C12orf42: variants seen among roughly 807,000 people sequenced by gnomAD.
The protein encoded by C12orf42 is chromosome 12 open reading frame 42, also known as uncharacterized protein C12orf42.
A neutral mutation model predicts 21.6 loss-of-function variants in C12orf42; 25 were observed. That is an observed-to-expected ratio of 1.16 (90% CI 0.84 to 1.62). The LOEUF (loss-of-function observed/expected upper bound fraction) is 1.62, where lower values mean the gene tolerates loss of function less well. C12orf42 is among the 40% of genes most tolerant of loss of function. The pLI, the probability that C12orf42 is intolerant of heterozygous loss-of-function variation, is 0.00. For missense variants in C12orf42, 483 were observed against 459.3 expected (o/e 1.05, Z -0.47); for synonymous variants, 174 against 175.0 (o/e 0.99, Z 0.05).
intron 2 of C12orf42, among the ~76,000 whole-genome samples, chr12:103,439,785 T>C (rs1951052485): frequency 1.3e-5 from 2 of 151,114 alleles, no homozygotes; most frequent in Admixed American, 6.6e-5. Context: ...TGTGGAGAAA[T>C]AGGAACACTT....
chr12:103,428,861 C>A (rs1371432729), intron 2 of C12orf42, among the ~76,000 whole-genome samples: 1 of 151,386 alleles, frequency 6.6e-6, no homozygotes, highest in Non-Finnish European at 1.5e-5. Flanking sequence ...AAACCAATGA[C>A]AAAAACCACA....
the C12orf42 span, among the ~76,000 whole-genome samples, chr12:103,051,068 A>G: frequency 6.6e-6 from 1 of 152,212 alleles, no homozygotes; most frequent in Non-Finnish European, 1.5e-5. Flanking sequence ...GAAAGAAGAT[A>G]AAACTAAAAG....
At chr12:103,069,967 C>G in the C12orf42 span, among the ~76,000 whole-genome samples, 1 of 152,200 alleles carries the variant, frequency 6.6e-6, no homozygotes, top group Non-Finnish European at 1.5e-5. Flanking sequence ...CTTACTGATT[C>G]ACCTCCCTGA....
the C12orf42 span, among the ~76,000 whole-genome samples, chr12:103,218,287 A>AG: frequency 6.6e-6 from 1 of 152,030 alleles, no homozygotes; most frequent in Non-Finnish European, 1.5e-5. Context: ...TTCAAAAAAA[A>AG]AAAAAAAAGT....
chr12:103,184,722 C>T, the C12orf42 span, among the ~76,000 whole-genome samples: 2 of 102,550 alleles, frequency 2.0e-5, no homozygotes, highest in African/African-American at 3.4e-5. Flanking sequence ...CCCCCCCCCC[C>T]CCAAATATAT....
the C12orf42 span, among the ~76,000 whole-genome samples, chr12:103,123,585 A>G: frequency 6.6e-6 from 1 of 152,190 alleles, no homozygotes; most frequent in Non-Finnish European, 1.5e-5. Context: ...TAAGGCTTAG[A>G]CTTACGTTTC....
chr12:103,307,579 GT>G (rs1168323699), intron 4 of C12orf42, among the ~76,000 whole-genome samples: 1 of 152,166 alleles, frequency 6.6e-6, no homozygotes, highest in Non-Finnish European at 1.5e-5. Context: ...CCTGTCACTG[GT>G]GATGGTGGCC....
chr12:103,538,788 T>C, the C12orf42 span, among the ~76,000 whole-genome samples: 1 of 152,100 alleles, frequency 6.6e-6, no homozygotes, highest in South Asian at 2.1e-4. Flanking sequence ...GTATTATATC[T>C]CTCCCTGCTT....
chr12:103,419,971 T>C (rs1375551144), intron 2 of C12orf42, among the ~76,000 whole-genome samples: 3 of 152,232 alleles, frequency 2.0e-5, no homozygotes, highest in Non-Finnish European at 4.4e-5. Flanking sequence ...GTACTATATA[T>C]AGTTGTTTTG....
chr12:103,378,012 C>T (rs1230999213), intron 3 of C12orf42, among the ~76,000 whole-genome samples: 1 of 152,100 alleles, frequency 6.6e-6, no homozygotes, highest in Non-Finnish European at 1.5e-5. Flanking sequence ...AATCATGTGA[C>T]ATTAAAAATG....
At chr12:103,519,480 A>C in the C12orf42 span, among the ~76,000 whole-genome samples, 3 of 152,146 alleles carry the variant, frequency 2.0e-5, no homozygotes, top group African/African-American at 7.2e-5. Flanking sequence ...CCTAGAAATT[A>C]TATAATATTG....
At chr12:103,460,701 G>T (rs1952642822) in intron 2 of C12orf42, among the ~76,000 whole-genome samples, 1 of 152,140 alleles carries the variant, frequency 6.6e-6, no homozygotes, top group Non-Finnish European at 1.5e-5. Flanking sequence ...GAAAAAATGT[G>T]TTTTGAGTTA....
the C12orf42 span, among the ~76,000 whole-genome samples, chr12:103,087,888 G>A: frequency 1.1e-3 from 162 of 152,316 alleles, no homozygotes; most frequent in Middle Eastern, 0.01. Flanking sequence ...AATGTTATGA[G>A]TTTGATATTA....
At chr12:103,422,499 A>C (rs574497633) in intron 2 of C12orf42, among the ~76,000 whole-genome samples, 1 of 152,254 alleles carries the variant, frequency 6.6e-6, no homozygotes, top group South Asian at 2.1e-4. Context: ...GATGCGGTAC[A>C]TTTCATTAGT....
At chr12:103,398,140 T>C (rs1013912025) in intron 3 of C12orf42, among the ~76,000 whole-genome samples, 3 of 152,228 alleles carry the variant, frequency 2.0e-5, no homozygotes, top group Non-Finnish European at 4.4e-5. Context: ...TGCAGCAGCT[T>C]ATGTGAGACT....
chr12:103,245,087 TTAAG>T (rs752730936), intron 10 of C12orf42, among the ~76,000 whole-genome samples: 3 of 152,106 alleles, frequency 2.0e-5, no homozygotes, highest in Non-Finnish European at 4.4e-5. Context: ...ATAGAATTGT[TTAAG>T]TAATCCCAGA....
intron 3 of C12orf42, chr12:103,378,605 A>G (rs1311402044): frequency 6.6e-6 from 1 of 152,268 alleles, no homozygotes; most frequent in Non-Finnish European, 1.5e-5. Context: ...CCAATGAAAC[A>G]GAATTGTGAT....
chr12:103,417,807 G>A (rs575623727), intron 2 of C12orf42, among the ~76,000 whole-genome samples: 12 of 152,252 alleles, frequency 7.9e-5, no homozygotes, highest in Non-Finnish European at 1.5e-4. Flanking sequence ...ATGAGTGAGT[G>A]GATAGAAAGA....
chr12:103,114,362 T>G, the C12orf42 span, among the ~76,000 whole-genome samples: 14 of 152,164 alleles, frequency 9.2e-5, 1 homozygote, highest in Non-Finnish European at 2.9e-5. Context: ...AGGACTCAGA[T>G]GGTCTGTCTC....
Sources: gnomAD v4.1 joint callset for allele counts (sites outside exome capture counted in the v4.1 genomes callset) on GRCh38, gnomAD v4.1.1 for gene constraint, MANE v1.5 for transcripts, NCBI Gene and HGNC (gene_info 2026-07-23, HGNC 2026-07-21) for gene names.